TSG101: variants seen among roughly 807,000 people sequenced by gnomAD.
TSG101 encodes tumor susceptibility 101.
In TSG101, 19 loss-of-function variants were observed where a neutral mutation model predicts 48.5. That is an observed-to-expected ratio of 0.39 (90% CI 0.27 to 0.58). The LOEUF is 0.58. TSG101 is among the 20% of genes least tolerant of loss of function. TSG101 has a pLI of 0.55. For missense variants in TSG101, 365 were observed against 484.4 expected (o/e 0.75, Z 2.31); for synonymous variants, 174 against 169.4 (o/e 1.03, Z -0.21).
At chr11:18,511,893 T>C (rs1334578994) in intron 4 of TSG101, among the ~76,000 whole-genome samples, 2 of 152,172 alleles carry the variant, frequency 1.3e-5, no homozygotes, top group Non-Finnish European at 2.9e-5. Context: ...TCATACAATA[T>C]ATGGCCTTTT....
chr11:18,518,838 A>G (rs971613532), intron 2 of TSG101, among the ~76,000 whole-genome samples: 6 of 152,202 alleles, frequency 3.9e-5, no homozygotes, highest in African/African-American at 7.2e-5. Flanking sequence ...ATGAAACTCA[A>G]TTTTGTTTAA....
rs1317299402 is a variant in TSG101, at chr11:18,481,692, T to C, written c.1021A>G (p.Thr341Ala). The C allele has an allele frequency of 1.2e-6, 2 of 1,614,218 alleles. No homozygotes were observed. Among genetic ancestry groups the C allele is most frequent in the East Asian group, 2.2e-5 (1 of 44,876 alleles). ...LYAEENAIED[T>A]IFYLGEALRR... Reference sequence around the variant, plus strand: ...AAGGCTTCTCCCAAGTAAAAGATAGTGTCTTCAATAGCGTTTTCTTCTGCA... The same window carrying C: ...AAGGCTTCTCCCAAGTAAAAGATAGCGTCTTCAATAGCGTTTTCTTCTGCA... The change falls in exon 9 of 10, where the codon ACT becomes GCT. Residue 341 changes from threonine (T) to alanine (A), a missense_variant. Physicochemically the swap from Thr to Ala is moderately conservative, Grantham distance 58 (BLOSUM62 0). Transcript: ENST00000251968.
At chr11:18,513,307 C>A (rs1850118972) in intron 4 of TSG101, among the ~76,000 whole-genome samples, 1 of 151,540 alleles carries the variant, frequency 6.6e-6, no homozygotes, top group African/African-American at 2.4e-5. Context: ...CTTTTCTTTT[C>A]TTTTTTGGAG....
intron 7 of TSG101, among the ~76,000 whole-genome samples, chr11:18,499,605 G>C (rs1194667036): frequency 1.3e-5 from 2 of 149,654 alleles, no homozygotes; most frequent in Admixed American, 6.8e-5. Context: ...TAGAGACAGG[G>C]TTTCACCATG....
intron 2 of TSG101, 137 bp from the exon 3 acceptor site, chr11:18,516,301 C>T (rs1850171479): frequency 1.6e-6 from 1 of 641,556 alleles, no homozygotes; most frequent in Non-Finnish European, 2.7e-6. Flanking sequence ...CCATCCTGTC[C>T]AATAACTAAC....
chr11:18,481,743 A>C lies in TSG101; in HGVS notation c.970T>G (p.Leu324Val). ...TACAGATTCAGGATCTGTTTGTATA[A>C]GGGAGCTGTGGGAATGATAACTTCA... ...IDEVIIPTAP[L>V]YKQILNLYAE... is the part of the protein sequence containing the mutation. Residue 324 changes from leucine (L) to valine (V), a missense_variant, in exon 9 of 10, where the codon TTA becomes GTA. Coordinates refer to ENST00000251968, the MANE Select transcript of TSG101 (RefSeq NM_006292.4). The C allele has an allele frequency of 1.9e-6, 3 of 1,614,198 alleles. No individual in the cohort carries two copies. Among genetic ancestry groups the C allele is most frequent in the Non-Finnish European group, 2.5e-6 (3 of 1,180,024 alleles).
intron 7 of TSG101, among the ~76,000 whole-genome samples, chr11:18,500,769 G>A (rs72871727): frequency 0.1 from 15,883 of 151,300 alleles, 823 homozygotes; most frequent in Middle Eastern, 0.14. Context: ...TCAACAGGTC[G>A]TCTCTTTACT....
intron 1 of TSG101, among the ~76,000 whole-genome samples, chr11:18,522,582 C>T (rs919683595): frequency 2.6e-5 from 4 of 152,220 alleles, no homozygotes; most frequent in African/African-American, 9.6e-5. Flanking sequence ...CTGCCTCCAT[C>T]GTTAACCCCC....
intron 1 of TSG101, among the ~76,000 whole-genome samples, chr11:18,522,305 C>G (rs1222152791): frequency 2.0e-5 from 3 of 152,156 alleles, no homozygotes; most frequent in African/African-American, 4.8e-5. Flanking sequence ...TTGAACATGA[C>G]CAAAACTGAA....
chr11:18,481,583 T>G, intron 9 of TSG101, 47 bp downstream of exon 9: 1 of 1,589,426 alleles, frequency 6.3e-7, no homozygotes. Context: ...GGTCAGTGCC[T>G]CTACAACCCA....
intron 2 of TSG101, among the ~76,000 whole-genome samples, chr11:18,516,831 C>T (rs1850185351): frequency 6.6e-6 from 1 of 151,574 alleles, no homozygotes; most frequent in African/African-American, 2.4e-5. Context: ...ATCCCAGCTA[C>T]TCGGAAGGCT....
At chr11:18,520,829 G>C (rs1304349041) in intron 1 of TSG101, among the ~76,000 whole-genome samples, 1 of 151,988 alleles carries the variant, frequency 6.6e-6, no homozygotes, top group Non-Finnish European at 1.5e-5. Context: ...TCAGGAGTTC[G>C]AGACCAGCCT....
rs755262285 is a variant in TSG101, at chr11:18,506,845, G to A, written c.548+12C>T. ...TTGTAATACAATTATTCAAAAGAAC[G>A]TTTTTCATTACCTGGGATTGGGAGG... On this transcript the variant is annotated intron_variant, in intron 6 of 9. Coordinates refer to ENST00000251968, the MANE Select transcript of TSG101 (RefSeq NM_006292.4). 1.8e-5 allele frequency: 28 copies of A among 1,566,664 alleles called. No individual in the cohort carries two copies. The highest frequency in any genetic ancestry group is 6.7e-5 in the African/African-American group (5 of 74,122).
intron 7 of TSG101, among the ~76,000 whole-genome samples, chr11:18,499,213 T>C (rs1358726090): frequency 8.1e-6 from 1 of 123,898 alleles, no homozygotes; most frequent in Admixed American, 8.8e-5. Flanking sequence ...ATATATAAAA[T>C]ATATATATTT....
chr11:18,499,275 T>TTA (rs1331823036), intron 7 of TSG101, among the ~76,000 whole-genome samples: 7 of 129,540 alleles, frequency 5.4e-5, no homozygotes, highest in Non-Finnish European at 1.1e-4. Context: ...TTATATATAT[T>TTA]TATATATATC....
chr11:18,502,338 T>A (rs1049197746), intron 7 of TSG101, 148 bp downstream of exon 7: 3 of 487,672 alleles, frequency 6.2e-6, no homozygotes, highest in African/African-American at 5.9e-5. Context: ...TTAAGTCATT[T>A]ACTTCAAGTT....
intron 8 of TSG101, among the ~76,000 whole-genome samples, chr11:18,483,184 T>C (rs1849569888): frequency 6.6e-6 from 1 of 152,084 alleles, no homozygotes; most frequent in African/African-American, 2.4e-5. Flanking sequence ...TCATTTCCTC[T>C]TGCCACCACC....
At chr11:18,509,846 G>A (rs192708913) in intron 4 of TSG101, among the ~76,000 whole-genome samples, 181 bp from the exon 5 acceptor site, 18 of 152,254 alleles carry the variant, frequency 1.2e-4, no homozygotes, top group Admixed American at 2.6e-4. Flanking sequence ...AACATGATGT[G>A]CAGCAAGGTT....
At chr11:18,516,912 A>T (rs1341036540) in intron 2 of TSG101, among the ~76,000 whole-genome samples, 1 of 152,150 alleles carries the variant, frequency 6.6e-6, no homozygotes, top group Admixed American at 6.5e-5. Flanking sequence ...ATTGCACTTT[A>T]GTCTGGGCAA....
Sources: gnomAD v4.1 joint callset for allele counts (sites outside exome capture counted in the v4.1 genomes callset) on GRCh38, gnomAD v4.1.1 for gene constraint, MANE v1.5 for transcripts, NCBI Gene and HGNC (gene_info 2026-07-23, HGNC 2026-07-21) for gene names.